TTC34: variants seen among roughly 807,000 people sequenced by gnomAD.
The protein encoded by TTC34 is tetratricopeptide repeat domain 34, also known as tetratricopeptide repeat protein 34.
In TTC34, 44 loss-of-function variants were observed where a neutral mutation model predicts 40.7. The ratio of observed to expected loss-of-function variants is 1.08; its 90% confidence interval spans 0.85 to 1.39. The LOEUF is 1.39. Among genes scored for constraint, TTC34 ranks in the 40% most tolerant of loss-of-function variants. The probability of loss-of-function intolerance (pLI) is 0.00; values close to 1 mark genes in which losing one functional copy is unlikely to be tolerated. For missense variants in TTC34, 884 were observed against 838.0 expected (o/e 1.05, Z -0.68); for synonymous variants, 422 against 398.6 (o/e 1.06, Z -0.70).
intron 2 of TTC34, among the ~76,000 whole-genome samples, chr1:2,799,402 G>A (rs886650891): frequency 1.3e-5 from 2 of 152,172 alleles, no homozygotes; most frequent in Non-Finnish European, 2.9e-5. Flanking sequence ...AATTAGCCAG[G>A]CATGATGGTG....
At chr1:2,691,716 A>AATC (rs1640627360) in intron 6 of TTC34, among the ~76,000 whole-genome samples, 1 of 96,880 alleles carries the variant, frequency 1.0e-5, no homozygotes, top group Non-Finnish European at 2.4e-5. Flanking sequence ...CCAGGTGAGC[A>AATC]TTGGACAGCC....
intron 6 of TTC34, among the ~76,000 whole-genome samples, chr1:2,752,829 C>T (rs1314414161): frequency 7.6e-6 from 1 of 130,742 alleles, no homozygotes; most frequent in Non-Finnish European, 1.6e-5. Context: ...AGGTGCGCAC[C>T]TGACAGACTG....
chr1:2,642,024 C>G, intron 8 of TTC34, 129 bp from the exon 9 acceptor site: 1 of 1,075,408 alleles, frequency 9.3e-7, no homozygotes, highest in Admixed American at 3.1e-5. Flanking sequence ...GGGCCCTGGG[C>G]TGCACAGGAG....
intron 6 of TTC34, among the ~76,000 whole-genome samples, chr1:2,779,031 G>C (rs1206646207): frequency 6.6e-6 from 1 of 152,108 alleles, no homozygotes; most frequent in Non-Finnish European, 1.5e-5. Context: ...GTCCTTTTGT[G>C]GTGGCTGCTT....
At chr1:2,787,136 G>C (rs570379760) in intron 4 of TTC34, among the ~76,000 whole-genome samples, 1 of 152,338 alleles carries the variant, frequency 6.6e-6, no homozygotes, top group African/African-American at 2.4e-5. Context: ...GTTTATGTGA[G>C]AGACTTGGAG....
At chr1:2,687,356 G>C (rs943753801) in intron 6 of TTC34, among the ~76,000 whole-genome samples, 1 of 139,656 alleles carries the variant, frequency 7.2e-6, no homozygotes, top group South Asian at 2.3e-4. Flanking sequence ...GCCTGGAGCA[G>C]CACCCCCACC....
chr1:2,786,264 C>G (rs1569962923), intron 4 of TTC34, among the ~76,000 whole-genome samples: 1 of 152,356 alleles, frequency 6.6e-6, no homozygotes, highest in Admixed American at 6.5e-5. Context: ...CGATCCTCCC[C>G]TACTGCCTCG....
At chr1:2,686,589 AC>A (rs940029707) in intron 6 of TTC34, among the ~76,000 whole-genome samples, 5 of 85,368 alleles carry the variant, frequency 5.9e-5, no homozygotes, top group African/African-American at 2.2e-4. Context: ...ACCGCCTGGA[AC>A]AGCACACACA....
chr1:2,750,571 G>T, intron 6 of TTC34, among the ~76,000 whole-genome samples: 1 of 152,120 alleles, frequency 6.6e-6, no homozygotes, highest in African/African-American at 2.4e-5. Context: ...ACACCCCCAG[G>T]TGAGCATCTG....
intron 6 of TTC34, among the ~76,000 whole-genome samples, chr1:2,760,198 A>T (rs1641650966): frequency 1.9e-5 from 2 of 102,646 alleles, no homozygotes; most frequent in African/African-American, 9.8e-5. Flanking sequence ...AGCAGCACCC[A>T]TACCCCAAGG....
intron 6 of TTC34, among the ~76,000 whole-genome samples, chr1:2,769,591 TC>T (rs200268895): frequency 0.037 from 1,017 of 27,854 alleles, 43 homozygotes; most frequent in African/African-American, 0.13. Context: ...ACCCCACACC[TC>T]CAGGGGGAGC....
At chr1:2,751,794 G>A (rs1641329320) in intron 6 of TTC34, among the ~76,000 whole-genome samples, 1 of 131,296 alleles carries the variant, frequency 7.6e-6, no homozygotes, top group Non-Finnish European at 1.6e-5. Flanking sequence ...TGACAGCCTG[G>A]AGCAGCAGCC....
At chr1:2,691,947 C>T (rs574706581) in intron 6 of TTC34, among the ~76,000 whole-genome samples, 1 of 84,620 alleles carries the variant, frequency 1.2e-5, no homozygotes, top group Admixed American at 1.3e-4. Context: ...ACGCACAACC[C>T]CAGGTGAGCA....
At chr1:2,752,124 C>A (rs1262784863) in intron 6 of TTC34, among the ~76,000 whole-genome samples, 3 of 113,690 alleles carry the variant, frequency 2.6e-5, no homozygotes, top group African/African-American at 4.1e-5. Flanking sequence ...GGAGCAACAC[C>A]CACGCCCCCA....
rs758505892 is a variant in TTC34, at chr1:2,645,558, G to T, written c.2232C>A (p.Ala744=). The T allele has an allele frequency of 3.3e-6, 4 of 1,217,228 alleles. No individual in the cohort carries two copies. Among genetic ancestry groups the T allele is most frequent in the Non-Finnish European group, 3.1e-6 (3 of 957,898 alleles). The allele number at this position is 1,217,228 out of a possible 1,614,324, so 75.4% of individuals were successfully genotyped here. Residue 744 remains alanine, a synonymous_variant, in exon 7 of 9, where the codon GCC becomes GCA. Transcript: ENST00000401095. The surrounding 1 kb of genome is among the most constrained non-coding windows in gnomAD (Gnocchi z 4.7). ...TCAGAGCAGAGACGATGTCGTCCAC[G>T]GCTTCCTGCAAGGAGGGAGGGCGGG...
intron 6 of TTC34, among the ~76,000 whole-genome samples, chr1:2,686,684 C>T (rs1054925136): frequency 8.0e-3 from 388 of 48,328 alleles, no homozygotes; most frequent in Admixed American, 0.015. Flanking sequence ...ACCCTGCACC[C>T]CCAGGTGCGC....
At chr1:2,656,376 C>G (rs1350254685) in intron 6 of TTC34, among the ~76,000 whole-genome samples, 23 of 79,776 alleles carry the variant, frequency 2.9e-4, no homozygotes, top group East Asian at 8.8e-4. Context: ...GCACCCACAC[C>G]CACAGGTGAG....
chr1:2,683,316 G>C (rs1394676769), intron 6 of TTC34, among the ~76,000 whole-genome samples: 2 of 146,776 alleles, frequency 1.4e-5, no homozygotes, highest in East Asian at 4.1e-4. Context: ...CACACCCCCA[G>C]GTGAGCATCT....
exon 3 of TTC34, chr1:2,789,931 G>A (rs1643642925): frequency 7.6e-6 from 3 of 394,462 alleles, no homozygotes; most frequent in Non-Finnish European, 4.5e-6. Context: ...CAGGGCGTGC[G>A]GGCCGCAGCA....
Sources: allele counts gnomAD v4.1 joint callset (sites outside exome capture counted in the v4.1 genomes callset), GRCh38; gene constraint gnomAD v4.1.1; non-coding constraint Gnocchi (gnomAD v3.1); transcripts MANE v1.5; gene names NCBI Gene and HGNC (gene_info 2026-07-23, HGNC 2026-07-21).